The following ARL15 variants were observed in gnomAD, a reference collection of about 807,000 sequenced individuals.
ARL15 encodes ARF like GTPase 15, also known as ADP-ribosylation factor-like protein 15.
In ARL15, 19 loss-of-function variants were observed where a neutral mutation model predicts 25.2. That is an observed-to-expected ratio of 0.75 (90% confidence interval 0.53 to 1.10). The LOEUF (loss-of-function observed/expected upper bound fraction) is 1.10. Ranked by LOEUF, ARL15 falls within the 50% of genes least tolerant of loss-of-function variation. The pLI, the probability that ARL15 is intolerant of heterozygous loss-of-function variation, is 0.00. For missense variants in ARL15, 220 were observed against 246.0 expected, an observed-to-expected ratio of 0.89 and a Z score of 0.71; for synonymous variants, 94 against 86.8, an observed-to-expected ratio of 1.08 and a Z score of -0.46.
At chr5:53,957,247 A>G (rs533788626) in intron 4 of ARL15, among the ~76,000 whole-genome samples, 35 of 152,222 alleles carry the variant, frequency 2.3e-4, no homozygotes, top group Non-Finnish European at 3.5e-4. Flanking sequence ...GTGAGCTTCA[A>G]TAAGACTAAG....
chr5:54,295,016 T>G (rs1357502645), intron 1 of ARL15, among the ~76,000 whole-genome samples: 1 of 152,242 alleles, frequency 6.6e-6, no homozygotes, highest in African/African-American at 2.4e-5. Flanking sequence ...GATGGTTTAT[T>G]CAAGACAACC....
At chr5:54,195,145 A>ACTCT (rs1177201277) in intron 1 of ARL15, among the ~76,000 whole-genome samples, 3 of 152,226 alleles carry the variant, frequency 2.0e-5, no homozygotes, top group African/African-American at 7.2e-5. Flanking sequence ...TACATTCTGT[A>ACTCT]CTCTCAAAAT....
At chr5:53,997,978 T>C (rs780991000) in intron 4 of ARL15, among the ~76,000 whole-genome samples, 4 of 151,942 alleles carry the variant, frequency 2.6e-5, no homozygotes, top group Non-Finnish European at 4.4e-5. Flanking sequence ...AACACTGGCC[T>C]GCACCACCAA....
At position 53,975,653 on chromosome 5, in the gene ARL15, G is replaced by A. The variant is rs150105283; in HGVS notation, c.463-88940C>T. ...GCCCATGGGGCGTGGCAATGCCAAG[G>A]GTCCTATTGAGAAAGAATCTGAAAC... On this transcript the variant is annotated intron_variant, in intron 4 of 4. Coordinates refer to ENST00000504924, the MANE Select transcript of ARL15 (RefSeq NM_019087.3). Among the ~76,000 whole-genome samples the A allele has an allele frequency of 3.3e-5, 5 of 152,248 alleles. No homozygotes were observed. The East Asian group carries it at 9.7e-4, about 29-fold the overall frequency.
At position 54,092,791 on chromosome 5, in the gene ARL15, A is replaced by G. The variant is rs550546179; in HGVS notation, c.462+20411T>C. Among the ~76,000 whole-genome samples the G allele has an allele frequency of 1.1e-4, 17 of 152,302 alleles. No homozygotes were observed. In the South Asian group the frequency reaches 3.5e-3, roughly 32 times the overall value. On this transcript the variant is annotated intron_variant, in intron 4 of 4. Coordinates refer to ENST00000504924, the MANE Select transcript of ARL15 (RefSeq NM_019087.3). ...GATAACTCCAATCCAGAGGATCTTT[A>G]GGCGGATCTTTATTCTGCCAAATCC... is the stretch of plus-strand genomic sequence containing the variant.
chr5:54,064,367 A>G (rs956835446), intron 4 of ARL15, among the ~76,000 whole-genome samples: 4 of 152,238 alleles, frequency 2.6e-5, no homozygotes, highest in Non-Finnish European at 5.9e-5. Context: ...CTTAAACAAA[A>G]AAGCCCACCA....
chr5:54,091,772 G>T (rs1752134747), intron 4 of ARL15, among the ~76,000 whole-genome samples: 1 of 147,850 alleles, frequency 6.8e-6, no homozygotes, highest in African/African-American at 2.5e-5. Flanking sequence ...GAAGAGATGA[G>T]GAAACACAGA....
chr5:54,260,289 C>T (rs1040508430), intron 1 of ARL15, among the ~76,000 whole-genome samples: 3 of 152,154 alleles, frequency 2.0e-5, no homozygotes, highest in Non-Finnish European at 4.4e-5. Context: ...AAAGGAAGAA[C>T]CAGGGTAGAT....
At chr5:54,220,765 ATG>A (rs35164651) in intron 1 of ARL15, among the ~76,000 whole-genome samples, 25,725 of 151,948 alleles carry the variant, frequency 0.17, 2,297 homozygotes, top group South Asian at 0.3. Flanking sequence ...ATAAGAGACA[ATG>A]TGTGTTGTAT....
chr5:54,101,588 T>A (rs369045311), intron 4 of ARL15, among the ~76,000 whole-genome samples: 1 of 152,144 alleles, frequency 6.6e-6, no homozygotes, highest in African/African-American at 2.4e-5. Flanking sequence ...TAAAACTGTA[T>A]TAGTTTAAAA....
chr5:54,276,810 G>C (rs1419689673), intron 1 of ARL15, among the ~76,000 whole-genome samples: 1 of 152,232 alleles, frequency 6.6e-6, no homozygotes, highest in Non-Finnish European at 1.5e-5. Context: ...GCAAAAGCTA[G>C]AAGTATGCCA....
intron 3 of ARL15, among the ~76,000 whole-genome samples, chr5:54,129,868 G>A (rs562946298): frequency 2.6e-5 from 4 of 152,176 alleles, no homozygotes; most frequent in African/African-American, 9.6e-5. Context: ...TTAAAACATA[G>A]CCAAAGTACC....
intron 4 of ARL15, among the ~76,000 whole-genome samples, chr5:53,975,700 G>T (rs1231551460): frequency 6.6e-6 from 1 of 152,190 alleles, no homozygotes; most frequent in Non-Finnish European, 1.5e-5. Flanking sequence ...AAAGAAAAAA[G>T]TGTCATATGA....
At position 54,237,842 on chromosome 5, in the gene ARL15, G is replaced by A. The variant is rs1756850843; in HGVS notation, c.49-65914C>T. On this transcript the variant is annotated intron_variant, in intron 1 of 4. Transcript: ENST00000504924. The stretch of plus-strand genomic sequence containing the variant: ...CGGTTAATGTAGCATGTCAAAAAGC[G>A]GGAAACAGATGGATGACTCACCAAA... Among the ~76,000 whole-genome samples, 3 of 152,118 alleles carry A rather than the reference G, an allele frequency of 2.0e-5. No individual in the cohort carries two copies. In the South Asian group the frequency reaches 6.2e-4, roughly 31 times the overall value.
intron 3 of ARL15, among the ~76,000 whole-genome samples, chr5:54,150,629 C>G (rs1754037317): frequency 6.6e-6 from 1 of 151,920 alleles, no homozygotes; most frequent in South Asian, 2.1e-4. Flanking sequence ...GAAACCTTGT[C>G]TCTACTAAAC....
intron 4 of ARL15, among the ~76,000 whole-genome samples, chr5:53,940,714 C>T (rs1427823413): frequency 6.6e-6 from 1 of 152,128 alleles, no homozygotes; most frequent in Non-Finnish European, 1.5e-5. Flanking sequence ...CACTTATGCC[C>T]ATAACTTCTA....
intron 1 of ARL15, among the ~76,000 whole-genome samples, chr5:54,193,622 C>T (rs529248530): frequency 6.6e-6 from 1 of 152,242 alleles, no homozygotes; most frequent in Admixed American, 6.5e-5. Flanking sequence ...CCCCTCCACC[C>T]CAGTCGATAG....
chr5:54,195,441 GAGAAGGAAATA>G (rs1755524177), intron 1 of ARL15, among the ~76,000 whole-genome samples: 5 of 152,176 alleles, frequency 3.3e-5, no homozygotes, highest in Admixed American at 3.3e-4. Context: ...TCACAAACTA[GAGAAGGAAATA>G]ATTTGCTCCT....
At chr5:54,175,917 G>C (rs966700188) in intron 1 of ARL15, among the ~76,000 whole-genome samples, 1 of 152,146 alleles carries the variant, frequency 6.6e-6, no homozygotes, top group Non-Finnish European at 1.5e-5. Flanking sequence ...TGCCCAAAGT[G>C]CTGAGATTAC....
Sources: gnomAD v4.1 joint callset for allele counts (sites outside exome capture counted in the v4.1 genomes callset) on GRCh38, gnomAD v4.1.1 for gene constraint, MANE v1.5 for transcripts, NCBI Gene and HGNC (gene_info 2026-07-23, HGNC 2026-07-21) for gene names.